ERC2: variants seen among roughly 807,000 people sequenced by gnomAD.
ERC2 encodes ELKS/RAB6-interacting/CAST family member 2.
Under a neutral mutation model 114.8 loss-of-function variants are expected in ERC2, and 42 were observed. The ratio of observed to expected loss-of-function variants is 0.37; its 90% confidence interval spans 0.29 to 0.47. The LOEUF (loss-of-function observed/expected upper bound fraction) is 0.47. Among genes scored for constraint, ERC2 ranks in the 20% least tolerant of loss-of-function variants. The pLI is 0.99. For synonymous variants in ERC2, 454 were observed against 425.5 expected (o/e 1.07, Z -0.82); for missense variants, 939 against 1,150.7 (o/e 0.82, Z 2.66).
At chr3:55,723,243 T>G (rs1163508966) in intron 15 of ERC2, among the ~76,000 whole-genome samples, 1 of 152,192 alleles carries the variant, frequency 6.6e-6, no homozygotes, top group African/African-American at 2.4e-5. Context: ...CAAATATATA[T>G]GTAGACAATG....
intron 13 of ERC2, among the ~76,000 whole-genome samples, chr3:55,934,461 G>A (rs1271449788): frequency 7.9e-5 from 12 of 152,156 alleles, no homozygotes. Flanking sequence ...AAACTGATGA[G>A]GTAGCTAGTC....
At chr3:56,440,471 C>T (rs2062241878) in intron 1 of ERC2, among the ~76,000 whole-genome samples, 1 of 151,032 alleles carries the variant, frequency 6.6e-6, no homozygotes, top group Non-Finnish European at 1.5e-5. Flanking sequence ...TGGCATGGAC[C>T]CAGGAGGCGG....
At chr3:55,818,514 CAAAAGAAA>C (rs899937013) in intron 14 of ERC2, among the ~76,000 whole-genome samples, 15 of 152,274 alleles carry the variant, frequency 9.9e-5, no homozygotes, top group African/African-American at 3.6e-4. Context: ...TTTCTTCTTT[CAAAAGAAA>C]AACAGAAACA....
rs546323206 is a variant in ERC2 at position 56,218,146 on chromosome 3, A to G, written c.1075-44626T>C. On this transcript the variant is annotated intron_variant, in intron 3 of 17. Transcript: ENST00000288221. ...AAGCCAAAATTGACAAATGGGATCT[A>G]ATTAAACTAAAGAGCTTCTGCACAG... is the stretch of plus-strand genomic sequence containing the variant. Among the ~76,000 whole-genome samples the G allele has an allele frequency of 3.3e-5, 5 of 152,322 alleles. No individual in the cohort carries two copies. The East Asian group carries it at 9.6e-4, about 29-fold the overall frequency.
At chr3:55,692,862 T>C (rs1321919728) in intron 16 of ERC2, among the ~76,000 whole-genome samples, 1 of 152,190 alleles carries the variant, frequency 6.6e-6, no homozygotes, top group Admixed American at 6.5e-5. Context: ...TAAAATACAA[T>C]CTGTGTATCA....
At chr3:55,949,909 T>C (rs113991816) in intron 13 of ERC2, among the ~76,000 whole-genome samples, 1,941 of 152,320 alleles carry the variant, frequency 0.013, 47 homozygotes, top group African/African-American at 0.044. Flanking sequence ...TTCTAAGATA[T>C]GGCTGTCCAT....
At chr3:56,334,903 C>G (rs1327800564) in intron 2 of ERC2, among the ~76,000 whole-genome samples, 2 of 152,220 alleles carry the variant, frequency 1.3e-5, no homozygotes, top group African/African-American at 4.8e-5. Context: ...CTCCTGGGTT[C>G]AGGTGATCCT....
At chr3:55,943,913 G>A (rs1054593780) in intron 13 of ERC2, among the ~76,000 whole-genome samples, 2 of 152,118 alleles carry the variant, frequency 1.3e-5, no homozygotes, top group African/African-American at 4.8e-5. Flanking sequence ...ACTGAGCATA[G>A]CATTTCTTTT....
intron 7 of ERC2, among the ~76,000 whole-genome samples, chr3:56,061,526 G>C (rs891928472): frequency 4.6e-5 from 7 of 152,084 alleles, no homozygotes; most frequent in African/African-American, 1.4e-4. Flanking sequence ...AAGAAAGGAA[G>C]GGACTTTAAA....
chr3:56,259,939 A>C (rs926855461), intron 3 of ERC2, among the ~76,000 whole-genome samples: 1 of 152,224 alleles, frequency 6.6e-6, no homozygotes, highest in African/African-American at 2.4e-5. Context: ...GGAGAGATGG[A>C]ACCCCCGATA....
intron 2 of ERC2, among the ~76,000 whole-genome samples, chr3:56,397,607 G>A (rs2060361058): frequency 6.6e-6 from 1 of 152,030 alleles, no homozygotes; most frequent in Non-Finnish European, 1.5e-5. Flanking sequence ...TTCCAATGTT[G>A]CATCTTATGG....
chr3:55,879,827 T>C (rs938037509), intron 14 of ERC2, among the ~76,000 whole-genome samples: 2 of 152,226 alleles, frequency 1.3e-5, no homozygotes, highest in Non-Finnish European at 2.9e-5. Context: ...ATTTCCCTGC[T>C]TGGTCTTGAA....
intron 14 of ERC2, among the ~76,000 whole-genome samples, chr3:55,833,705 C>T (rs138857361): frequency 0.1 from 15,237 of 152,072 alleles, 1,047 homozygotes; most frequent in South Asian, 0.24. Flanking sequence ...CATCAACTAA[C>T]GAGCAAAATC....
At chr3:56,262,465 C>G (rs1240788900) in intron 3 of ERC2, among the ~76,000 whole-genome samples, 1 of 152,188 alleles carries the variant, frequency 6.6e-6, no homozygotes, top group Non-Finnish European at 1.5e-5. Context: ...AAAGAGGCAG[C>G]AGAGAAAGCT....
intron 2 of ERC2, among the ~76,000 whole-genome samples, chr3:56,405,408 CAG>C (rs1240949750): frequency 6.6e-6 from 1 of 150,544 alleles, no homozygotes; most frequent in Non-Finnish European, 1.5e-5. Context: ...GCCTGAGTGA[CAG>C]AGCAAGAATC....
At chr3:56,153,991 C>T (rs779820921) in intron 4 of ERC2, among the ~76,000 whole-genome samples, 1 of 152,142 alleles carries the variant, frequency 6.6e-6, no homozygotes, top group African/African-American at 2.4e-5. Flanking sequence ...AACATACCTA[C>T]ATAATTATAT....
intron 15 of ERC2, among the ~76,000 whole-genome samples, chr3:55,720,133 CTT>C (rs1489550420): frequency 0.57 from 1,757 of 3,080 alleles, 698 homozygotes; most frequent in Middle Eastern, 1. Flanking sequence ...TCTTCTTCCT[CTT>C]CTTCTTCCTC....
At position 56,305,295 on chromosome 3, in the gene ERC2, T is replaced by C. The variant is rs537644354; in HGVS notation, c.658-8860A>G. Among the ~76,000 whole-genome samples, 67 of 152,062 alleles carry C rather than the reference T, an allele frequency of 4.4e-4. No homozygotes were observed. In the South Asian group the frequency reaches 6.2e-3, roughly 14 times the overall value. On this transcript the variant is annotated intron_variant, in intron 2 of 17. Coordinates refer to ENST00000288221, the MANE Select transcript of ERC2 (RefSeq NM_015576.3). ...AATACATTAAAATGACAAAAAATTA[T>C]TATCAAGAATATATATAGAATTCCT...
chr3:56,374,090 T>A (rs374026340), intron 2 of ERC2, among the ~76,000 whole-genome samples: 114 of 127,498 alleles, frequency 8.9e-4, no homozygotes, highest in African/African-American at 3.1e-3. Flanking sequence ...ATCCAGTGTT[T>A]TTGTTTGTTT....
Sources: allele counts gnomAD v4.1 joint callset (sites outside exome capture counted in the v4.1 genomes callset), GRCh38; gene constraint gnomAD v4.1.1; transcripts MANE v1.5; gene names NCBI Gene and HGNC (gene_info 2026-07-23, HGNC 2026-07-21).